The following MLXIP variants were observed in gnomAD, a reference collection of about 807,000 sequenced individuals.
MLXIP encodes MLX interacting protein, also known as MLX-interacting protein.
MLXIP carries 30 observed loss-of-function variants against 87.2 expected under a neutral mutation model. That is an observed-to-expected ratio of 0.34 (90% CI 0.26 to 0.47). The LOEUF (loss-of-function observed/expected upper bound fraction) is 0.47. Ranked by LOEUF, MLXIP falls within the 20% of genes least tolerant of loss-of-function variation. The probability of loss-of-function intolerance (pLI) is 1.00; values close to 1 mark genes in which losing one functional copy is unlikely to be tolerated. For synonymous variants in MLXIP, 530 were observed against 514.0 expected, an observed-to-expected ratio of 1.03 and a Z score of -0.42; for missense variants, 1,002 against 1,240.1, an observed-to-expected ratio of 0.81 and a Z score of 2.88.
At position 122,137,651 on chromosome 12, in the gene MLXIP, G is replaced by A; in HGVS notation, c.2154+61G>A. 1.3e-6 allele frequency: 2 copies of A among 1,555,880 alleles called. No individual in the cohort carries two copies. Among genetic ancestry groups the A allele is most frequent in the Non-Finnish European group, 1.7e-6 (2 of 1,151,348 alleles). ...GGGGAGAGGAGTGCAGGACATCAAG[G>A]ATCTGTGTCTTGTCTGGAACGGAGA... On this transcript the variant is annotated intron_variant, in intron 12 of 16. Transcript: ENST00000319080. This position sits in a 1 kb window ranked among gnomAD's most constrained non-coding sequence, Gnocchi z 4.1.
intron 7 of MLXIP, 57 bp downstream of exon 7, chr12:122,130,990 G>A: frequency 8.6e-7 from 1 of 1,156,460 alleles, no homozygotes; most frequent in Non-Finnish European, 1.3e-6. Context: ...GCCCAGCACA[G>A]AGCAGATCGC....
intron 1 of MLXIP, among the ~76,000 whole-genome samples, chr12:122,086,696 G>T (rs910164010): frequency 1.3e-5 from 2 of 152,144 alleles, no homozygotes; most frequent in African/African-American, 4.8e-5. Context: ...CTCTAGCCGC[G>T]TGGATCAGGG....
At chr12:122,079,303 A>T in intron 1 of MLXIP, 37 bp downstream of exon 1, 2 of 1,534,226 alleles carry the variant, frequency 1.3e-6, no homozygotes, top group Non-Finnish European at 1.8e-6. Context: ...CCCCGGCCGG[A>T]GGCCCTTGTT....
intron 1 of MLXIP, among the ~76,000 whole-genome samples, chr12:122,123,249 T>G (rs1042122508): frequency 1.2e-4 from 18 of 152,300 alleles, no homozygotes; most frequent in Middle Eastern, 6.8e-3. Flanking sequence ...ACGCGTTGCC[T>G]CCTCAGATCT....
chr12:122,091,991 G>A (rs1406170205), intron 1 of MLXIP, among the ~76,000 whole-genome samples: 1 of 152,200 alleles, frequency 6.6e-6, no homozygotes, highest in Non-Finnish European at 1.5e-5. Context: ...GTGAGTCTTG[G>A]CCTAAGCGAT....
chr12:122,093,484 T>G (rs1175922884), intron 1 of MLXIP, among the ~76,000 whole-genome samples: 1 of 136,888 alleles, frequency 7.3e-6, no homozygotes, highest in Admixed American at 7.5e-5. Context: ...GTTTGGTGTG[T>G]GGTGTGTGTG....
rs1952518917 is a variant in MLXIP, at chr12:122,106,332, C to T, written c.414-20924C>T. Among the ~76,000 whole-genome samples the T allele has an allele frequency of 2.0e-5, 3 of 152,210 alleles. No individual in the cohort carries two copies. In the South Asian group the frequency reaches 6.2e-4, roughly 31 times the overall value. ...TTAAGGAAAACACCACTGGGTGCCC[C>T]TCCATTGCACTTCCATACACTCCAC... On this transcript the variant is annotated intron_variant, in intron 1 of 16. Coordinates refer to ENST00000319080, the MANE Select transcript of MLXIP (RefSeq NM_014938.6).
In MLXIP at chr12:122,125,448, A is replaced by ATG. The variant is rs1327767871; in HGVS notation, c.414-1798_414-1797dup. On this transcript the variant is annotated intron_variant, in intron 1 of 16. Coordinates refer to ENST00000319080, the MANE Select transcript of MLXIP (RefSeq NM_014938.6). ...CAGTTGTGTGTGTGTCTAAACATGT[A>ATG]TGTGTGTGTGTATTTTACTGTACCC... 7.2e-5 allele frequency among the ~76,000 whole-genome samples: 11 copies of ATG among 152,306 alleles called. No homozygotes were observed. The South Asian group carries it at 1.2e-3, about 17-fold the overall frequency.
chr12:122,131,295 G>A (rs1952973303), intron 7 of MLXIP, among the ~76,000 whole-genome samples: 1 of 152,058 alleles, frequency 6.6e-6, no homozygotes, highest in Admixed American at 6.6e-5. Flanking sequence ...GAGTGTTTCA[G>A]AGCCCAGGAT....
In MLXIP at chr12:122,133,461, C is replaced by G; in HGVS notation, c.1206C>G (p.Thr402=). Residue 402 remains threonine (T), a synonymous_variant, in exon 9 of 17, where the codon ACC becomes ACG. Transcript: ENST00000319080. The surrounding 1 kb of genome is among the most constrained non-coding windows in gnomAD (Gnocchi z 4.9). ...AHMDEQGCEH[T]SRTEDPFIQP... is the part of the protein sequence containing the mutation. ...TGGATGAGCAGGGCTGTGAACACAC[C>G]TCCCGGACTGAGGACCCGTTTATCC... 1 of 1,613,406 alleles carries G rather than the reference C, an allele frequency of 6.2e-7. No individual in the cohort carries two copies. The highest frequency in any genetic ancestry group is 8.5e-7 in the Non-Finnish European group (1 of 1,179,848).
At chr12:122,094,821 TTGG>T (rs1952323787) in intron 1 of MLXIP, among the ~76,000 whole-genome samples, 2 of 138,136 alleles carry the variant, frequency 1.4e-5, no homozygotes, top group South Asian at 4.7e-4. Flanking sequence ...GGTGTGTGTG[TTGG>T]TGTGTGTGGG....
At chr12:122,129,729 G>A in intron 5 of MLXIP, 100 bp downstream of exon 5, 1 of 1,457,638 alleles carries the variant, frequency 6.9e-7, no homozygotes, top group South Asian at 1.2e-5. Context: ...GCAGGCCATG[G>A]GCCCTCCCTG....
At position 122,083,704 on chromosome 12, in the gene MLXIP, G is replaced by A. The variant is rs996805205; in HGVS notation, c.413+4438G>A. On this transcript the variant is annotated intron_variant, in intron 1 of 16. Transcript: ENST00000319080. ...GCTGGGATTACAGGCGTGAGCCACCGGGCCCGGCTAACCCTTCATTCTTGA... is the reference window on the plus strand; with the variant it reads ...GCTGGGATTACAGGCGTGAGCCACCAGGCCCGGCTAACCCTTCATTCTTGA... 3.9e-5 allele frequency among the ~76,000 whole-genome samples: 6 copies of A among 152,144 alleles called. No homozygotes were observed. In the South Asian group the frequency reaches 6.2e-4, roughly 16 times the overall value.
chr12:122,138,701 C>G, intron 14 of MLXIP, 114 bp from the exon 15 acceptor site: 1 of 1,504,812 alleles, frequency 6.6e-7, no homozygotes, highest in Non-Finnish European at 8.9e-7. Context: ...CCACAGACCT[C>G]TCTTCTCTGT....
At chr12:122,104,108 C>T (rs1414772938) in intron 1 of MLXIP, among the ~76,000 whole-genome samples, 1 of 152,132 alleles carries the variant, frequency 6.6e-6, no homozygotes, top group Non-Finnish European at 1.5e-5. Flanking sequence ...TTACATTATC[C>T]CCAACCCTTG....
chr12:122,133,331 C>T lies in MLXIP; in HGVS notation c.1093-17C>T, dbSNP rs1233301926. 1.3e-6 allele frequency: 2 copies of T among 1,539,110 alleles called. No individual in the cohort carries two copies. Among genetic ancestry groups the T allele is most frequent in the African/African-American group, 1.4e-5 (1 of 72,902 alleles). On this transcript the variant is annotated splice_polypyrimidine_tract_variant and intron_variant, in intron 8 of 16. Coordinates refer to ENST00000319080, the MANE Select transcript of MLXIP (RefSeq NM_014938.6). This position sits in a 1 kb window ranked among gnomAD's most constrained non-coding sequence, Gnocchi z 4.9. ...TGACCCCAGCATTGCTTCCTGGCTCCTTTCTTCCTTTTTCAGGAGAGCATC... is the reference window on the plus strand; with the variant it reads ...TGACCCCAGCATTGCTTCCTGGCTCTTTTCTTCCTTTTTCAGGAGAGCATC...
At chr12:122,140,761 A>G in intron 15 of MLXIP, 193 bp from the exon 16 acceptor site, 2 of 829,460 alleles carry the variant, frequency 2.4e-6, no homozygotes, top group South Asian at 1.5e-5. Context: ...AGGTACAGTT[A>G]GAGCAGAGTG....
chr12:122,139,761 C>T (rs1953164171), intron 15 of MLXIP, among the ~76,000 whole-genome samples: 1 of 152,212 alleles, frequency 6.6e-6, no homozygotes, highest in Non-Finnish European at 1.5e-5. Flanking sequence ...CAGCCTCCAC[C>T]TTCCCAGACT....
At chr12:122,107,986 C>G (rs1380645161) in intron 1 of MLXIP, among the ~76,000 whole-genome samples, 1 of 152,162 alleles carries the variant, frequency 6.6e-6, no homozygotes, top group African/African-American at 2.4e-5. Context: ...TCCAAGCTGA[C>G]CCTGATTGGA....
Sources: allele counts gnomAD v4.1 joint callset (sites outside exome capture counted in the v4.1 genomes callset), GRCh38; gene constraint gnomAD v4.1.1; non-coding constraint Gnocchi (gnomAD v3.1); transcripts MANE v1.5; gene names NCBI Gene and HGNC (gene_info 2026-07-23, HGNC 2026-07-21).